NICOL1: variants seen among roughly 807,000 people sequenced by gnomAD.
NICOL1 encodes NELL2-interacting cell ontogeny regulator 1.
the NICOL1 span, among the ~76,000 whole-genome samples, chr4:2,041,292 A>C: frequency 6.6e-6 from 1 of 151,736 alleles, no homozygotes; most frequent in Non-Finnish European, 1.5e-5. Flanking sequence ...CCAGATTCGC[A>C]CTTGCCGGGC....
the NICOL1 span, among the ~76,000 whole-genome samples, chr4:2,038,237 GTATATATATATATATATATA>G: frequency 8.0e-4 from 73 of 91,468 alleles, 1 homozygote; most frequent in South Asian, 1.6e-3. Context: ...TGATCAGTGT[GTATATATATATATATATATA>G]TATATATATA....
At chr4:2,043,374 T>A in the NICOL1 span, among the ~76,000 whole-genome samples, 1 of 152,124 alleles carries the variant, frequency 6.6e-6, no homozygotes, top group African/African-American at 2.4e-5. Context: ...TCAAGCTTCT[T>A]CCTGGAAAGG....
the NICOL1 span, chr4:2,041,792 C>A: frequency 2.0e-6 from 1 of 501,634 alleles, no homozygotes; most frequent in Non-Finnish European, 3.3e-6. Context: ...GGTCTCGCCC[C>A]GGCGCCGCCT....
the NICOL1 span, chr4:2,042,765 G>A: frequency 6.6e-7 from 1 of 1,518,392 alleles, no homozygotes; most frequent in Non-Finnish European, 8.8e-7. Flanking sequence ...CCACGCCTTC[G>A]AGTTCATGCA....
At chr4:2,038,431 G>A in the NICOL1 span, among the ~76,000 whole-genome samples, 12 of 151,438 alleles carry the variant, frequency 7.9e-5, no homozygotes, top group Admixed American at 7.3e-4. Context: ...GGGATTACAG[G>A]CATGCACCAC....
At chr4:2,038,237 GTATATATATATATATATATATA>G in the NICOL1 span, among the ~76,000 whole-genome samples, 545 of 91,472 alleles carry the variant, frequency 6.0e-3, 10 homozygotes, top group East Asian at 0.023. Flanking sequence ...TGATCAGTGT[GTATATATATATATATATATATA>G]TATATATATA....
the NICOL1 span, among the ~76,000 whole-genome samples, chr4:2,037,750 C>T: frequency 2.6e-5 from 4 of 151,836 alleles, no homozygotes; most frequent in African/African-American, 9.7e-5. Flanking sequence ...AAATGATATT[C>T]ATAAATGTCT....
At chr4:2,036,718 G>T in the NICOL1 span, among the ~76,000 whole-genome samples, 37 of 152,272 alleles carry the variant, frequency 2.4e-4, no homozygotes, top group Admixed American at 1.8e-3. Flanking sequence ...AGGCAGAAGA[G>T]TCATGAAATA....
chr4:2,042,418 C>A, the NICOL1 span: 1 of 495,702 alleles, frequency 2.0e-6, no homozygotes, highest in Non-Finnish European at 3.5e-6. Context: ...GCTGCTGCTG[C>A]TGAGTCTGGC....
the NICOL1 span, chr4:2,041,937 C>T: frequency 6.9e-7 from 1 of 1,444,348 alleles, no homozygotes; most frequent in Non-Finnish European, 9.1e-7. Context: ...AGCGCAGTCT[C>T]GGGTTTCCAT....
chr4:2,043,805 A>G, the NICOL1 span: 1 of 1,479,992 alleles, frequency 6.8e-7, no homozygotes, highest in African/African-American at 1.4e-5. Context: ...GTGGAGGCCC[A>G]GGGGAATGCC....
the NICOL1 span, chr4:2,041,927 A>G: frequency 7.1e-7 from 1 of 1,417,440 alleles, no homozygotes; most frequent in Non-Finnish European, 9.2e-7. Context: ...ACCCGCGGCC[A>G]GCGCAGTCTC....
At chr4:2,043,299 C>T in the NICOL1 span, among the ~76,000 whole-genome samples, 1 of 152,116 alleles carries the variant, frequency 6.6e-6, no homozygotes, top group African/African-American at 2.4e-5. Context: ...CCCCTCCAAG[C>T]CTGGATGAAC....
At chr4:2,039,974 G>T in the NICOL1 span, among the ~76,000 whole-genome samples, 1 of 152,078 alleles carries the variant, frequency 6.6e-6, no homozygotes, top group South Asian at 2.1e-4. Context: ...ATAATTTTAA[G>T]GTTATTTCAA....
the NICOL1 span, chr4:2,041,969 AC>A: frequency 5.5e-6 from 8 of 1,451,842 alleles, no homozygotes; most frequent in East Asian, 2.4e-4. Context: ...CGGATGGGGA[AC>A]CCGGGCGGGG....
At chr4:2,042,374 G>T in the NICOL1 span, 1 of 512,508 alleles carries the variant, frequency 2.0e-6, no homozygotes, top group Admixed American at 3.5e-5. Context: ...CCCGCGTGCC[G>T]GTCCCCGATG....
the NICOL1 span, chr4:2,042,833 C>T: frequency 6.8e-7 from 1 of 1,478,280 alleles, no homozygotes; most frequent in Admixed American, 2.2e-5. Flanking sequence ...GGGTGAGCGC[C>T]CGCGGCGCGA....
the NICOL1 span, among the ~76,000 whole-genome samples, chr4:2,040,455 C>T: frequency 1.5e-3 from 235 of 152,232 alleles, 1 homozygote; most frequent in Non-Finnish European, 2.4e-3. Context: ...GCGGGCGCAG[C>T]GTGGGACCGA....
chr4:2,042,063 A>G, the NICOL1 span: 1 of 1,477,158 alleles, frequency 6.8e-7, no homozygotes, highest in Non-Finnish European at 8.9e-7. Flanking sequence ...GGGTCCCTGA[A>G]CCGCGGTAAG....
Sources: allele counts gnomAD v4.1 joint callset (sites outside exome capture counted in the v4.1 genomes callset), GRCh38; gene constraint gnomAD v4.1.1; transcripts MANE v1.5; gene names NCBI Gene and HGNC (gene_info 2026-07-23, HGNC 2026-07-21).